GTF2H4: variants seen among roughly 807,000 people sequenced by gnomAD.
GTF2H4 encodes general transcription factor IIH subunit 4.
A neutral mutation model predicts 62.2 loss-of-function variants in GTF2H4; 49 were observed. The observed-to-expected ratio is 0.79, with a 90% confidence interval of 0.63 to 1.00. The LOEUF (loss-of-function observed/expected upper bound fraction) is 1.00, where lower values mean the gene tolerates loss of function less well. GTF2H4 is among the 50% of genes least tolerant of loss of function. The probability of loss-of-function intolerance (pLI) is 0.00; values close to 1 mark genes in which losing one functional copy is unlikely to be tolerated. For synonymous variants in GTF2H4, 189 were observed against 233.8 expected (o/e 0.81, Z 1.75); for missense variants, 479 against 587.8 (o/e 0.81, Z 1.91).
At position 30,910,021 on chromosome 6, in the gene GTF2H4, A is replaced by AC; in HGVS notation, c.336dup (p.Ile113HisfsTer19). On this transcript the variant is annotated frameshift_variant, in exon 4 of 14. Transcript: ENST00000259895. LOFTEE classifies it high-confidence loss of function. This position sits in a 1 kb window ranked among gnomAD's most constrained non-coding sequence, Gnocchi z 4.7. ...GGCGGGCTCCAGGGCCTCATCCTCA[A>AC]CCCCATTTTCCGCCAGAACCTCCGC... 1 of 1,612,412 alleles carries AC rather than the reference A, an allele frequency of 6.2e-7. No individual in the cohort carries two copies. The highest frequency in any genetic ancestry group is 1.3e-5 in the African/African-American group (1 of 74,824).
In GTF2H4 at chr6:30,911,371, C is replaced by T. The variant is rs1186955260; in HGVS notation, c.673-60C>T. On this transcript the variant is annotated intron_variant, in intron 7 of 13. Transcript: ENST00000259895. The surrounding 1 kb of genome is among the most constrained non-coding windows in gnomAD (Gnocchi z 4.3). ...TTCCCTGATTTTCTCTTCTCTGTCCCTTTCTTCCCATTGTCTCCCTCCCAT... is the reference window on the plus strand; with the variant it reads ...TTCCCTGATTTTCTCTTCTCTGTCCTTTTCTTCCCATTGTCTCCCTCCCAT... 4 of 1,553,084 alleles carry T rather than the reference C, an allele frequency of 2.6e-6. No individual in the cohort carries two copies. Among genetic ancestry groups the T allele is most frequent in the Non-Finnish European group, 3.6e-6 (4 of 1,125,646 alleles).
Position 30,911,577 on chromosome 6 carries a change from A to G in GTF2H4, c.741+78A>G. The G allele has an allele frequency of 7.0e-7, 1 of 1,433,508 alleles. No homozygotes were observed. The allele number at this position is 1,433,508 out of a possible 1,614,324, so 88.8% of individuals were successfully genotyped here. ...GGCAGTAGAGTAGACTGAGAAGATA[A>G]GAATGAAAACAGAACGAACAGAGAT... On this transcript the variant is annotated intron_variant, in intron 8 of 13. Coordinates refer to ENST00000259895, the MANE Select transcript of GTF2H4 (RefSeq NM_001517.5). This position sits in a 1 kb window ranked among gnomAD's most constrained non-coding sequence, Gnocchi z 4.3.
chr6:30,913,320 G>GC lies in GTF2H4; in HGVS notation c.1155dup (p.Thr386HisfsTer20), dbSNP rs767828251. The GC allele has an allele frequency of 1.1e-4, 171 of 1,613,466 alleles. No individual in the cohort carries two copies. The highest frequency in any genetic ancestry group is 1.4e-4 in the Non-Finnish European group (160 of 1,180,016). On this transcript the variant is annotated frameshift_variant, in exon 13 of 14. Transcript: ENST00000259895. LOFTEE classifies it high-confidence loss of function. The surrounding 1 kb of genome is among the most constrained non-coding windows in gnomAD (Gnocchi z 4.2). ...CTTGCTCCTTGCAGACACCTGTGCT[G>GC]CCCCCCACCATCACCGACCAGATCC...
Position 30,910,824 on chromosome 6 carries a change from T to C in GTF2H4, c.472-29T>C, listed in dbSNP as rs768116517. ...TCTACTTCCCATGGCCCTTGGGGCA[T>C]GGTCTCCCTGTTCTCTTCTGTTCTT... On this transcript the variant is annotated intron_variant, in intron 5 of 13. Transcript: ENST00000259895. The surrounding 1 kb of genome is among the most constrained non-coding windows in gnomAD (Gnocchi z 4.7). The C allele has an allele frequency of 4.4e-6, 7 of 1,607,516 alleles. No homozygotes were observed. The African/African-American group carries it at 5.3e-5, about 12-fold the overall frequency.
At position 30,913,739 on chromosome 6, in the gene GTF2H4, G is replaced by A. The variant is rs1793922138; in HGVS notation, c.1217-72G>A. 7.2e-7 allele frequency: 1 copy of A among 1,389,358 alleles called. No homozygotes were observed. The highest frequency in any genetic ancestry group is 1.5e-5 in the African/African-American group (1 of 68,442). 86.1% of individuals were successfully genotyped at this position (1,389,358 alleles called of 1,614,324 possible). On this transcript the variant is annotated intron_variant, in intron 13 of 13. Transcript: ENST00000259895. This position sits in a 1 kb window ranked among gnomAD's most constrained non-coding sequence, Gnocchi z 4.2. ...AGGGCTGCCACCAAGGAGCTGGGGG[G>A]ATTCCCAATAGGAGCTCCGAGCTTC...
rs780355784 is a variant in GTF2H4, at chr6:30,912,351, A to G, written c.982A>G (p.Ile328Val). The change falls in exon 11 of 14, where the codon ATT becomes GTT. Residue 328 changes from isoleucine to valine, a missense_variant. Transcript: ENST00000259895. The surrounding 1 kb of genome is among the most constrained non-coding windows in gnomAD (Gnocchi z 4.8). The stretch of plus-strand genomic sequence containing the variant: ...AGAGTCGGAGCTGCAGATTGCCCTC[A>G]TTGCCCTCTTCTCTGAGATGCTCTA... ...YTESELQIAL[I>V]ALFSEMLYRF... 11 of 1,612,902 alleles carry G rather than the reference A, an allele frequency of 6.8e-6. No individual in the cohort carries two copies. Among genetic ancestry groups the G allele is most frequent in the Admixed American group, 3.3e-5 (2 of 60,008 alleles).
rs759703043 is a variant in GTF2H4 at position 30,909,956 on chromosome 6, G to C, written c.267G>C (p.Leu89=). 1 of 1,613,010 alleles carries C rather than the reference G, an allele frequency of 6.2e-7. No homozygotes were observed. Among genetic ancestry groups the C allele is most frequent in the Non-Finnish European group, 8.5e-7 (1 of 1,180,002 alleles). ...FSKAQEESTG[L]LSGLRIWHTQ... Reference sequence around the variant, plus strand: ...GGGCTCAGGAGGAAAGTACAGGGCTGCTGAGCGGCCTCCGGATCTGGCACA... The same window carrying C: ...GGGCTCAGGAGGAAAGTACAGGGCTCCTGAGCGGCCTCCGGATCTGGCACA... The change falls in exon 4 of 14, where the codon CTG becomes CTC. Residue 89 remains leucine (L), a synonymous_variant. Coordinates refer to ENST00000259895, the MANE Select transcript of GTF2H4 (RefSeq NM_001517.5). This position sits in a 1 kb window ranked among gnomAD's most constrained non-coding sequence, Gnocchi z 4.3.
chr6:30,913,733 T>C lies in GTF2H4; in HGVS notation c.1217-78T>C. 7.3e-7 allele frequency: 1 copy of C among 1,367,510 alleles called. No homozygotes were observed. The highest frequency in any genetic ancestry group is 9.8e-7 in the Non-Finnish European group (1 of 1,019,438). 84.7% of individuals were successfully genotyped at this position (1,367,510 alleles called of 1,614,324 possible). A position where few individuals can be genotyped will look rare whatever the true frequency, so the allele number is the denominator to read the frequency against. Reference sequence around the variant, plus strand: ...GCGTCCAGGGCTGCCACCAAGGAGCTGGGGGGATTCCCAATAGGAGCTCCG... The same window carrying C: ...GCGTCCAGGGCTGCCACCAAGGAGCCGGGGGGATTCCCAATAGGAGCTCCG... On this transcript the variant is annotated intron_variant, in intron 13 of 13. Transcript: ENST00000259895. The surrounding 1 kb of genome is among the most constrained non-coding windows in gnomAD (Gnocchi z 4.2).
chr6:30,913,063 C>T lies in GTF2H4; in HGVS notation c.1090-47C>T, dbSNP rs191564516. ...TTAGGTGACAGCTCAGATGGCTTTC[C>T]TGCCTTCTTGCTGGAGCCCTCATGC... On this transcript the variant is annotated intron_variant, in intron 11 of 13. Coordinates refer to ENST00000259895, the MANE Select transcript of GTF2H4 (RefSeq NM_001517.5). The surrounding 1 kb of genome is among the most constrained non-coding windows in gnomAD (Gnocchi z 4.2). The T allele has an allele frequency of 1.9e-6, 3 of 1,602,448 alleles. No individual in the cohort carries two copies. In the East Asian group the frequency reaches 6.7e-5, roughly 36 times the overall value.
Position 30,913,879 on chromosome 6 carries a change from G to C in GTF2H4, c.1285G>C (p.Gly429Arg). The C allele has an allele frequency of 1.2e-6, 2 of 1,609,442 alleles. No homozygotes were observed. Among genetic ancestry groups the C allele is most frequent in the Non-Finnish European group, 1.7e-6 (2 of 1,178,384 alleles). ...ELLLAHAREL[G>R]VLVFENSAKR... The stretch of plus-strand genomic sequence containing the variant: ...GCTGCTGGCCCACGCGCGGGAGCTG[G>C]GCGTGCTCGTGTTCGAGAACTCGGC... Residue 429 changes from glycine to arginine, a missense_variant, in exon 14 of 14, where the codon GGC becomes CGC. Transcript: ENST00000259895. The surrounding 1 kb of genome is among the most constrained non-coding windows in gnomAD (Gnocchi z 4.2).
rs1402609003 is a variant in GTF2H4 at position 30,912,798 on chromosome 6, G to T, written c.1090-312G>T. 6.6e-6 allele frequency among the ~76,000 whole-genome samples: 1 copy of T among 152,128 alleles called. No homozygotes were observed. Among genetic ancestry groups the T allele is most frequent in the African/African-American group, 2.4e-5 (1 of 41,420 alleles). On this transcript the variant is annotated intron_variant, in intron 11 of 13. Transcript: ENST00000259895. This position sits in a 1 kb window ranked among gnomAD's most constrained non-coding sequence, Gnocchi z 4.8. The stretch of plus-strand genomic sequence containing the variant: ...GGGTTGCCGGGATAATTCATTGGAA[G>T]AATAGGGGCAAAGCATTGAGCTCAG...
rs1300856961 is a variant in GTF2H4, at chr6:30,911,231, C to T, written c.634C>T (p.Leu212Phe). The stretch of plus-strand genomic sequence containing the variant: ...CCTGTTGCTGGACACCCCGGCTCAG[C>T]TCTGGTACTTTATGTTGCAGTATTT... ...QFLLLDTPAQ[L>F]WYFMLQYLQT... is the part of the protein sequence containing the mutation. The change falls in exon 7 of 14, where the codon CTC becomes TTC. Residue 212 changes from leucine to phenylalanine, a missense_variant. Physicochemically the swap from Leu to Phe is conservative, Grantham distance 22. Transcript: ENST00000259895. This position sits in a 1 kb window ranked among gnomAD's most constrained non-coding sequence, Gnocchi z 4.3. 1.9e-6 allele frequency: 3 copies of T among 1,613,562 alleles called. No individual in the cohort carries two copies. Among genetic ancestry groups the T allele is most frequent in the African/African-American group, 2.7e-5 (2 of 74,904 alleles).
At position 30,913,706 on chromosome 6, in the gene GTF2H4, C is replaced by T. The variant is rs994671511; in HGVS notation, c.1217-105C>T. On this transcript the variant is annotated intron_variant, in intron 13 of 13. Coordinates refer to ENST00000259895, the MANE Select transcript of GTF2H4 (RefSeq NM_001517.5). This position sits in a 1 kb window ranked among gnomAD's most constrained non-coding sequence, Gnocchi z 4.2. Reference sequence around the variant, plus strand: ...AAATTGCGGTGGGGGCAAGCCCAGACCGCGTCCAGGGCTGCCACCAAGGAG... The same window carrying T: ...AAATTGCGGTGGGGGCAAGCCCAGATCGCGTCCAGGGCTGCCACCAAGGAG... 7.9e-6 allele frequency: 9 copies of T among 1,136,252 alleles called. No homozygotes were observed. The highest frequency in any genetic ancestry group is 1.1e-5 in the Non-Finnish European group (9 of 817,272). 70.4% of individuals were successfully genotyped at this position (1,136,252 alleles called of 1,614,324 possible).
chr6:30,913,664 TAGAG>T lies in GTF2H4; in HGVS notation c.1217-145_1217-142del. 1 of 755,108 alleles carries T rather than the reference TAGAG, an allele frequency of 1.3e-6. No homozygotes were observed. The highest frequency in any genetic ancestry group is 2.1e-6 in the Non-Finnish European group (1 of 475,018). 46.8% of individuals were successfully genotyped at this position (755,108 alleles called of 1,614,324 possible). On this transcript the variant is annotated intron_variant, in intron 13 of 13. Coordinates refer to ENST00000259895, the MANE Select transcript of GTF2H4 (RefSeq NM_001517.5). This position sits in a 1 kb window ranked among gnomAD's most constrained non-coding sequence, Gnocchi z 4.2. ...AGATGAACCCCTGAGCAGACAAGCA[TAGAG>T]AATTAGTTTGTAAAATTGCGGTGGG...
At position 30,910,596 on chromosome 6, in the gene GTF2H4, AC is replaced by A; in HGVS notation, c.375-68del. 1 of 1,121,618 alleles carries A rather than the reference AC, an allele frequency of 8.9e-7. No homozygotes were observed. Among genetic ancestry groups the A allele is most frequent in the Non-Finnish European group, 1.4e-6 (1 of 737,080 alleles). 69.5% of individuals were successfully genotyped at this position (1,121,618 alleles called of 1,614,324 possible). A position where few individuals can be genotyped will look rare whatever the true frequency, so the allele number is the denominator to read the frequency against. On this transcript the variant is annotated intron_variant, in intron 4 of 13. Coordinates refer to ENST00000259895, the MANE Select transcript of GTF2H4 (RefSeq NM_001517.5). This position sits in a 1 kb window ranked among gnomAD's most constrained non-coding sequence, Gnocchi z 4.7. ...TCCGCCCATCTCGGCCTCCCAAAGT[AC>A]AGGGATTACAGGTGTGAGCCACTGC...
chr6:30,909,082 T>A lies in GTF2H4; in HGVS notation c.46T>A (p.Cys16Ser), dbSNP rs752680380. The A allele has an allele frequency of 1.4e-5, 23 of 1,614,030 alleles. No homozygotes were observed. The highest frequency in any genetic ancestry group is 1.9e-5 in the Non-Finnish European group (22 of 1,180,006). The change falls in exon 2 of 14, where the codon TGC (cysteine) becomes AGC (serine). Residue 16 changes from cysteine to serine, a missense_variant. Physicochemically the swap from Cys to Ser is moderately radical, Grantham distance 112. Coordinates refer to ENST00000259895, the MANE Select transcript of GTF2H4 (RefSeq NM_001517.5). This position sits in a 1 kb window ranked among gnomAD's most constrained non-coding sequence, Gnocchi z 4.3. Reference sequence around the variant, plus strand: ...GGGACTGAACCGAGTACACCTACAATGCAGGAATCTGCAGGAATTCTTAGG... The same window carrying A: ...GGGACTGAACCGAGTACACCTACAAAGCAGGAATCTGCAGGAATTCTTAGG... ...SRGLNRVHLQ[C>S]RNLQEFLGGL...
Position 30,909,622 on chromosome 6 carries a change from T to C in GTF2H4, c.242+83T>C. The C allele has an allele frequency of 1.2e-6, 1 of 823,406 alleles. No individual in the cohort carries two copies. The highest frequency in any genetic ancestry group is 2.0e-6 in the Non-Finnish European group (1 of 492,090). 51.0% of individuals were successfully genotyped at this position (823,406 alleles called of 1,614,324 possible). ...TTGGAGCACTTCCAGGAAGTGTTAA[T>C]AGATATATCACAAAACTTAAAAATA... On this transcript the variant is annotated intron_variant, in intron 3 of 13. Coordinates refer to ENST00000259895, the MANE Select transcript of GTF2H4 (RefSeq NM_001517.5). This position sits in a 1 kb window ranked among gnomAD's most constrained non-coding sequence, Gnocchi z 4.3.
chr6:30,913,429 G>GA lies in GTF2H4; in HGVS notation c.1216+45dup. The GA allele has an allele frequency of 6.2e-7, 1 of 1,600,202 alleles. No homozygotes were observed. The highest frequency in any genetic ancestry group is 8.5e-7 in the Non-Finnish European group (1 of 1,171,792). The stretch of plus-strand genomic sequence containing the variant: ...GGCCAAGTCTTGGTCATTGGCCAGA[G>GA]AAAGGGCAGACAGTTCAGTCTGCAT... On this transcript the variant is annotated intron_variant, in intron 13 of 13. Coordinates refer to ENST00000259895, the MANE Select transcript of GTF2H4 (RefSeq NM_001517.5). The surrounding 1 kb of genome is among the most constrained non-coding windows in gnomAD (Gnocchi z 4.2).
chr6:30,910,209 G>T lies in GTF2H4; in HGVS notation c.374+146G>T, dbSNP rs1793705427. On this transcript the variant is annotated intron_variant, in intron 4 of 13. Transcript: ENST00000259895. This position sits in a 1 kb window ranked among gnomAD's most constrained non-coding sequence, Gnocchi z 4.7. ...TGGGAACTCCTTTAGGAGTAAGTTG[G>T]ACCAGATGTAGTGTGTGGTGTAGGA... 3 of 817,828 alleles carry T rather than the reference G, an allele frequency of 3.7e-6. No individual in the cohort carries two copies. Among genetic ancestry groups the T allele is most frequent in the East Asian group, 4.9e-5 (2 of 40,808 alleles). The allele number at this position is 817,828 out of a possible 1,614,324, so 50.7% of individuals were successfully genotyped here.
Sources: gnomAD v4.1 joint callset for allele counts (sites outside exome capture counted in the v4.1 genomes callset) on GRCh38, gnomAD v4.1.1 for gene constraint, Gnocchi (gnomAD v3.1) non-coding constraint, MANE v1.5 for transcripts, NCBI Gene and HGNC (gene_info 2026-07-23, HGNC 2026-07-21) for gene names.